The following NGF variants were observed in gnomAD, a reference collection of about 807,000 sequenced individuals.
NGF encodes nerve growth factor.
Under a neutral mutation model 12.8 loss-of-function variants are expected in NGF, and 4 were observed. That is an observed-to-expected ratio of 0.31 (90% CI 0.15 to 0.72). The LOEUF (loss-of-function observed/expected upper bound fraction) is 0.72, where lower values mean the gene tolerates loss of function less well. Among genes scored for constraint, NGF ranks in the 30% least tolerant of loss-of-function variants. The pLI, the probability that NGF is intolerant of heterozygous loss-of-function variation, is 0.69. For missense variants in NGF, 283 were observed against 330.8 expected, an observed-to-expected ratio of 0.86 and a Z score of 1.12; for synonymous variants, 140 against 130.0, an observed-to-expected ratio of 1.08 and a Z score of -0.52.
intron 1 of NGF, among the ~76,000 whole-genome samples, chr1:115,296,614 T>C (rs1461984220): frequency 2.0e-5 from 3 of 152,204 alleles, no homozygotes; most frequent in African/African-American, 7.2e-5. Flanking sequence ...CATCTGGATG[T>C]CTGATTGCTA....
intron 2 of NGF, among the ~76,000 whole-genome samples, chr1:115,291,380 T>G (rs1571073426): frequency 6.6e-6 from 1 of 152,342 alleles, no homozygotes; most frequent in East Asian, 1.9e-4. Context: ...TATTTATTTA[T>G]TTTTTAAAAA....
At chr1:115,304,765 T>A (rs1654150009) in intron 1 of NGF, among the ~76,000 whole-genome samples, 1 of 152,144 alleles carries the variant, frequency 6.6e-6, no homozygotes, top group South Asian at 2.1e-4. Flanking sequence ...TTCTGGGAGT[T>A]AAAGGCCAGG....
chr1:115,334,419 G>A (rs910414599), intron 1 of NGF, among the ~76,000 whole-genome samples: 1 of 152,124 alleles, frequency 6.6e-6, no homozygotes, highest in African/African-American at 2.4e-5. Flanking sequence ...AATAGCACCT[G>A]TCCCTTCACC....
At chr1:115,303,723 C>A (rs1488208303) in intron 1 of NGF, among the ~76,000 whole-genome samples, 1 of 152,174 alleles carries the variant, frequency 6.6e-6, no homozygotes, top group Non-Finnish European at 1.5e-5. Context: ...TCATCATCAT[C>A]CCCATCACTT....
chr1:115,313,489 G>T (rs1351139602), intron 1 of NGF, among the ~76,000 whole-genome samples: 1 of 152,176 alleles, frequency 6.6e-6, no homozygotes, highest in Non-Finnish European at 1.5e-5. Context: ...GGCATAGTTT[G>T]CAATGACAAG....
chr1:115,318,400 G>A (rs555999488), intron 1 of NGF, among the ~76,000 whole-genome samples: 21 of 152,238 alleles, frequency 1.4e-4, no homozygotes, highest in African/African-American at 2.4e-4. Context: ...CTTTGCCAGC[G>A]GTGGGGATGG....
intron 2 of NGF, among the ~76,000 whole-genome samples, chr1:115,290,184 C>T (rs1314051857): frequency 1.3e-5 from 2 of 152,044 alleles, no homozygotes; most frequent in Non-Finnish European, 2.9e-5. Flanking sequence ...GCACAAAACT[C>T]CTGGGGGCAG....
chr1:115,328,252 C>A (rs147368233), intron 1 of NGF, among the ~76,000 whole-genome samples: 116 of 152,224 alleles, frequency 7.6e-4, no homozygotes, highest in African/African-American at 2.7e-3. Context: ...AAGAGGTAGG[C>A]AGTTTGTCAT....
rs72993903 is a variant in NGF, at chr1:115,311,000, G to A, written c.-136-17250C>T. 3.0e-3 allele frequency among the ~76,000 whole-genome samples: 457 copies of A among 152,236 alleles called. 4 individuals are homozygous for A. Among genetic ancestry groups the A allele is most frequent in the African/African-American group, 0.011 (444 of 41,544 alleles). On this transcript the variant is annotated intron_variant, in intron 1 of 2. Coordinates refer to ENST00000369512, the MANE Select transcript of NGF (RefSeq NM_002506.3). ...GCTTTTCAGTGTATGGCTCACTTAC[G>A]CTTGAGGCCACATGCAAAGTAGGTA...
At chr1:115,307,336 G>A (rs1257845198) in intron 1 of NGF, among the ~76,000 whole-genome samples, 1 of 152,098 alleles carries the variant, frequency 6.6e-6, no homozygotes, top group Non-Finnish European at 1.5e-5. Flanking sequence ...AGAGGGGAGT[G>A]GAGAAAGCAA....
At chr1:115,301,595 C>T (rs1217156340) in intron 1 of NGF, among the ~76,000 whole-genome samples, 1 of 152,170 alleles carries the variant, frequency 6.6e-6, no homozygotes, top group Non-Finnish European at 1.5e-5. Context: ...AAGAAATCGC[C>T]GCTTTGTGTC....
intron 1 of NGF, among the ~76,000 whole-genome samples, chr1:115,329,750 T>C (rs934202274): frequency 2.6e-4 from 38 of 145,074 alleles, no homozygotes; most frequent in African/African-American, 9.6e-4. Flanking sequence ...CTTTCTTTTT[T>C]TTTTTTTTTT....
intron 1 of NGF, among the ~76,000 whole-genome samples, chr1:115,337,261 GTTTTTGTTTTTTTTTTTTTTT>G (rs1655141099): frequency 1.7e-4 from 2 of 11,758 alleles, no homozygotes; most frequent in African/African-American, 4.5e-4. Flanking sequence ...TTTTTGTTTT[GTTTTTGTTTTTTTTTTTTTTT>G]TTTTTTTTTT....
intron 1 of NGF, among the ~76,000 whole-genome samples, chr1:115,308,742 G>T (rs957297821): frequency 3.9e-5 from 6 of 152,164 alleles, no homozygotes; most frequent in South Asian, 4.1e-4. Context: ...AGAAAGGAAA[G>T]AAGGGAGGAA....
intron 1 of NGF, among the ~76,000 whole-genome samples, chr1:115,317,875 A>C (rs866082578): frequency 6.6e-6 from 1 of 152,174 alleles, no homozygotes; most frequent in Non-Finnish European, 1.5e-5. Context: ...AACATAAACA[A>C]GTTAAGTATT....
chr1:115,318,372 C>T (rs1654525956), intron 1 of NGF, among the ~76,000 whole-genome samples: 2 of 152,056 alleles, frequency 1.3e-5, no homozygotes, highest in South Asian at 4.2e-4. Context: ...CTGTCTGGGC[C>T]AGGACCCTCA....
intron 1 of NGF, among the ~76,000 whole-genome samples, chr1:115,320,231 C>T (rs1654580655): frequency 6.6e-6 from 1 of 152,056 alleles, no homozygotes; most frequent in Non-Finnish European, 1.5e-5. Context: ...TCCAAGACCC[C>T]CAGTGTAAAT....
chr1:115,337,365 A>T (rs1655158309), intron 1 of NGF, among the ~76,000 whole-genome samples: 1 of 132,476 alleles, frequency 7.5e-6, no homozygotes, highest in South Asian at 2.4e-4. Flanking sequence ...TCAAAGTTGC[A>T]GCTCCCTGAC....
intron 1 of NGF, among the ~76,000 whole-genome samples, chr1:115,332,617 C>G (rs776852938): frequency 6.6e-6 from 1 of 152,172 alleles, no homozygotes; most frequent in Non-Finnish European, 1.5e-5. Flanking sequence ...CCCCTCATGC[C>G]AGGCCTGTGC....
Sources: gnomAD v4.1 joint callset for allele counts (sites outside exome capture counted in the v4.1 genomes callset) on GRCh38, gnomAD v4.1.1 for gene constraint, MANE v1.5 for transcripts, NCBI Gene and HGNC (gene_info 2026-07-23, HGNC 2026-07-21) for gene names.